The following CHTOP variants were observed in gnomAD, a reference collection of about 807,000 sequenced individuals.
CHTOP encodes chromatin target of PRMT1.
A neutral mutation model predicts 33.6 loss-of-function variants in CHTOP; 18 were observed. The observed-to-expected ratio is 0.54, with a 90% confidence interval of 0.37 to 0.80. CHTOP has a LOEUF of 0.80. Among genes scored for constraint, CHTOP ranks in the 30% least tolerant of loss-of-function variants. The probability of loss-of-function intolerance (pLI) is 0.00; values close to 1 mark genes in which losing one functional copy is unlikely to be tolerated. For synonymous variants in CHTOP, 117 were observed against 127.7 expected, an observed-to-expected ratio of 0.92 and a Z score of 0.56; for missense variants, 263 against 336.8, an observed-to-expected ratio of 0.78 and a Z score of 1.71.
intron 1 of CHTOP, among the ~76,000 whole-genome samples, chr1:153,634,869 G>C (rs1471205848): frequency 6.7e-6 from 1 of 149,232 alleles, no homozygotes; most frequent in Non-Finnish European, 1.5e-5. Context: ...TTTTTTTGGG[G>C]GGGGACGGAG....
At chr1:153,639,999 C>G (rs1457877415) in intron 3 of CHTOP, among the ~76,000 whole-genome samples, 1 of 152,062 alleles carries the variant, frequency 6.6e-6, no homozygotes, top group Non-Finnish European at 1.5e-5. Context: ...GTCTTGAACT[C>G]CTGACCTCAA....
intron 3 of CHTOP, among the ~76,000 whole-genome samples, chr1:153,640,410 G>A (rs559161378): frequency 1.7e-4 from 26 of 152,226 alleles, no homozygotes; most frequent in Admixed American, 3.9e-4. Context: ...TGGAGGTTGC[G>A]GTGAGTGGAG....
At position 153,645,561 on chromosome 1, in the gene CHTOP, T is replaced by A. The variant is rs1310937822; in HGVS notation, c.*292T>A. On this transcript the variant is annotated 3_prime_UTR_variant, in exon 6 of 6. Coordinates refer to ENST00000368694, the MANE Select transcript of CHTOP (RefSeq NM_015607.4). ...TCTTTGAACACAAATGCATTAGCCT[T>A]GTGGCTAGAACACCCTCTTCCTACC... 6.5e-5 allele frequency: 28 copies of A among 431,894 alleles called. No homozygotes were observed. Among genetic ancestry groups the A allele is most frequent in the Non-Finnish European group, 1.1e-4 (26 of 240,210 alleles). 26.8% of individuals were successfully genotyped at this position (431,894 alleles called of 1,614,324 possible). A position where few individuals can be genotyped will look rare whatever the true frequency, so the allele number is the denominator to read the frequency against.
chr1:153,635,700 G>A (rs1668358136), intron 1 of CHTOP, among the ~76,000 whole-genome samples: 1 of 151,976 alleles, frequency 6.6e-6, no homozygotes, highest in Non-Finnish European at 1.5e-5. Flanking sequence ...GCACGTGCCT[G>A]TAGTCCCAGC....
At position 153,642,295 on chromosome 1, in the gene CHTOP, G is replaced by T; in HGVS notation, c.269G>T (p.Arg90Leu). The change falls in exon 4 of 6, where the codon CGA becomes CTA. Residue 90 changes from arginine to leucine, a missense_variant. Around this residue, in one of 3 missense-constraint regions of CHTOP, gnomAD observed 168 missense variants for 179.9 expected, o/e 0.93. Transcript: ENST00000368694. ...AGTAACATCCAGGCACGGTTAGGCC[G>T]ACCCATAGGGGCCCTGGCCAGGGGA... ...GKSNIQARLG[R>L]PIGALARGAI... 1 of 1,614,082 alleles carries T rather than the reference G, an allele frequency of 6.2e-7. No individual in the cohort carries two copies. The highest frequency in any genetic ancestry group is 8.5e-7 in the Non-Finnish European group (1 of 1,179,982).
Position 153,636,603 on chromosome 1 carries a change from A to T in CHTOP, c.15A>T (p.Ser5=). Residue 5 remains serine (S), a synonymous_variant, in exon 2 of 6, where the codon TCA becomes TCT. Transcript: ENST00000368694. MAAQ[S]APKVVLKSTT... is the part of the protein sequence containing the mutation. ...GGGATTCGAAGATGGCTGCACAGTC[A>T]GCGCCGAAAGTTGTGCTAAAAAGCA... 6.2e-7 allele frequency: 1 copy of T among 1,613,608 alleles called. No homozygotes were observed. Among genetic ancestry groups the T allele is most frequent in the Non-Finnish European group, 8.5e-7 (1 of 1,179,560 alleles).
chr1:153,635,499 C>A (rs1668343495), intron 1 of CHTOP, among the ~76,000 whole-genome samples: 1 of 151,374 alleles, frequency 6.6e-6, no homozygotes, highest in Non-Finnish European at 1.5e-5. Context: ...CATATGTAGT[C>A]AAGGTTGAAA....
At chr1:153,641,975 A>G (rs1014411322) in intron 3 of CHTOP, among the ~76,000 whole-genome samples, 4 of 152,190 alleles carry the variant, frequency 2.6e-5, no homozygotes, top group African/African-American at 9.6e-5. Context: ...TCTGTAGCCA[A>G]ACTAGTGAGG....
chr1:153,635,959 G>A (rs766705817), intron 1 of CHTOP, among the ~76,000 whole-genome samples: 20 of 152,178 alleles, frequency 1.3e-4, no homozygotes, highest in Non-Finnish European at 2.5e-4. Context: ...AAGAGATGGG[G>A]TCTCAGGCCA....
chr1:153,640,427 C>G (rs1412087852), intron 3 of CHTOP, among the ~76,000 whole-genome samples: 1 of 152,064 alleles, frequency 6.6e-6, no homozygotes, highest in Non-Finnish European at 1.5e-5. Flanking sequence ...GGAGTTGGCA[C>G]CACTGCATTC....
At chr1:153,634,958 A>T (rs915237693) in intron 1 of CHTOP, among the ~76,000 whole-genome samples, 1 of 151,734 alleles carries the variant, frequency 6.6e-6, no homozygotes, top group African/African-American at 2.4e-5. Flanking sequence ...GGTTCAAGCG[A>T]TTCTCCTGCC....
intron 1 of CHTOP, among the ~76,000 whole-genome samples, chr1:153,634,882 T>G (rs1363546558): frequency 2.7e-5 from 4 of 150,732 alleles, no homozygotes; most frequent in Non-Finnish European, 5.9e-5. Flanking sequence ...GGACGGAGTT[T>G]CGCTCTTGTT....
intron 3 of CHTOP, among the ~76,000 whole-genome samples, chr1:153,641,506 C>G (rs1465750361): frequency 6.6e-6 from 1 of 152,126 alleles, no homozygotes; most frequent in Non-Finnish European, 1.5e-5. Flanking sequence ...GTTTGGCTGG[C>G]TGACTGTGGA....
chr1:153,634,786 G>T (rs1341554348), intron 1 of CHTOP, among the ~76,000 whole-genome samples: 5 of 151,548 alleles, frequency 3.3e-5, no homozygotes, highest in Non-Finnish European at 5.9e-5. Flanking sequence ...CTTGATTCTG[G>T]AGTTGAAAGC....
intron 3 of CHTOP, among the ~76,000 whole-genome samples, chr1:153,641,885 A>G (rs1668637636): frequency 1.3e-5 from 2 of 152,222 alleles, no homozygotes; most frequent in Non-Finnish European, 1.5e-5. Context: ...GTCAACCTGT[A>G]GTTCAAAAGC....
intron 3 of CHTOP, among the ~76,000 whole-genome samples, chr1:153,641,852 G>A (rs1668635423): frequency 6.6e-6 from 1 of 152,204 alleles, no homozygotes; most frequent in African/African-American, 2.4e-5. Context: ...TCCATGGGCA[G>A]GTATGAATCA....
intron 3 of CHTOP, among the ~76,000 whole-genome samples, chr1:153,641,637 TTTC>T (rs1668627932): frequency 6.6e-6 from 1 of 152,240 alleles, no homozygotes; most frequent in Non-Finnish European, 1.5e-5. Context: ...GAGATTTGAC[TTTC>T]TTGTGTTTAT....
chr1:153,642,735 CAT>C, intron 4 of CHTOP: 1 of 247,396 alleles, frequency 4.0e-6, no homozygotes, highest in Non-Finnish European at 7.8e-6. Flanking sequence ...ACAAGTCAAA[CAT>C]AAGAAATTTA....
chr1:153,639,378 C>G (rs187395905), intron 3 of CHTOP: 4 of 971,418 alleles, frequency 4.1e-6, no homozygotes, highest in East Asian at 2.3e-4. Flanking sequence ...AATTTATATG[C>G]AAGTCCGGAC....
Sources: allele counts gnomAD v4.1 joint callset (sites outside exome capture counted in the v4.1 genomes callset), GRCh38; gene constraint gnomAD v4.1.1; regional missense constraint gnomAD v4.1.1; transcripts MANE v1.5; gene names NCBI Gene and HGNC (gene_info 2026-07-23, HGNC 2026-07-21).